Variants in PCSK5 observed in about 807,000 individuals in gnomAD.
PCSK5 encodes proprotein convertase subtilisin/kexin type 5.
A neutral mutation model predicts 233.2 loss-of-function variants in PCSK5; 129 were observed. The observed-to-expected ratio is 0.55, with a 90% CI of 0.48 to 0.64. The LOEUF (loss-of-function observed/expected upper bound fraction) is 0.64, where lower values mean the gene tolerates loss of function less well. Ranked by LOEUF, PCSK5 falls within the 30% of genes least tolerant of loss-of-function variation. The probability of loss-of-function intolerance (pLI) is 0.00; values close to 1 mark genes in which losing one functional copy is unlikely to be tolerated. For missense variants in PCSK5, 2,076 were observed against 2,430.1 expected (o/e 0.85, Z 3.06); for synonymous variants, 825 against 879.2 (o/e 0.94, Z 1.09).
Position 76,205,130 on chromosome 9 carries a change from A to G in PCSK5, c.2626+15384A>G, listed in dbSNP as rs191037345. On this transcript the variant is annotated intron_variant, in intron 20 of 37. Coordinates refer to ENST00000674117, the MANE Select transcript of PCSK5 (RefSeq NM_001372043.1). ...TAGGTTTGCTGCCTAGAAAGATCTCATTGTCAGGTATTTTTTCCCCCACCA... is the reference window on the plus strand; with the variant it reads ...TAGGTTTGCTGCCTAGAAAGATCTCGTTGTCAGGTATTTTTTCCCCCACCA... The G allele has an allele frequency of 2.3e-4, 118 of 518,898 alleles. 1 individual carries two copies. The highest frequency in any genetic ancestry group is 2.0e-3 in the African/African-American group (106 of 52,050). The allele number at this position is 518,898 out of a possible 1,614,324, so 32.1% of individuals were successfully genotyped here.
At chr9:76,267,019 C>G (rs1268657466) in intron 24 of PCSK5, among the ~76,000 whole-genome samples, 1 of 152,148 alleles carries the variant, frequency 6.6e-6, no homozygotes, top group African/African-American at 2.4e-5. Flanking sequence ...CTATGATTAC[C>G]CATGACTTGA....
rs571523197 is a variant in PCSK5 at position 76,131,027 on chromosome 9, T to C, written c.1209-3082T>C. ...AGGCCACTGGAGTGTGGGTCCAAGATACTTGGCAGAGAGAAATAGGTATTA... is the reference window on the plus strand; with the variant it reads ...AGGCCACTGGAGTGTGGGTCCAAGACACTTGGCAGAGAGAAATAGGTATTA... On this transcript the variant is annotated intron_variant, in intron 9 of 37. Transcript: ENST00000674117. Among the ~76,000 whole-genome samples the C allele has an allele frequency of 2.0e-5, 3 of 152,224 alleles. No homozygotes were observed. The South Asian group carries it at 6.2e-4, about 32-fold the overall frequency.
At chr9:76,104,838 T>TG (rs11445793) in intron 8 of PCSK5, among the ~76,000 whole-genome samples, 103,408 of 151,954 alleles carry the variant, frequency 0.68, 35,398 homozygotes, top group African/African-American at 0.75. Flanking sequence ...AATGTGACCA[T>TG]GGGTGAGATA....
chr9:76,070,021 G>A (rs1830428378), intron 6 of PCSK5, among the ~76,000 whole-genome samples: 2 of 102,866 alleles, frequency 1.9e-5, no homozygotes, highest in Admixed American at 1.2e-4. Context: ...TTTTTTTTTA[G>A]ACGGAGTCTC....
chr9:76,189,030 A>C, intron 18 of PCSK5, 64 bp from the exon 19 acceptor site: 1 of 1,441,886 alleles, frequency 6.9e-7, no homozygotes, highest in South Asian at 1.3e-5. Flanking sequence ...TTAAAGAAGA[A>C]GCCCATGACA....
chr9:75,988,175 G>C (rs1229080854), intron 3 of PCSK5, among the ~76,000 whole-genome samples: 1 of 152,084 alleles, frequency 6.6e-6, no homozygotes, highest in Non-Finnish European at 1.5e-5. Context: ...AACATGTTTG[G>C]TGTTTTTCAA....
intron 20 of PCSK5, chr9:76,193,194 C>A: frequency 6.3e-7 from 1 of 1,589,612 alleles, no homozygotes; most frequent in Non-Finnish European, 8.6e-7. Context: ...TCATGCTGCT[C>A]TCGTCTTCAA....
chr9:76,046,564 T>C (rs1354489880), intron 5 of PCSK5, among the ~76,000 whole-genome samples: 7 of 136,094 alleles, frequency 5.1e-5, no homozygotes, highest in East Asian at 2.2e-4. Context: ...TTTTTCTTTT[T>C]TTTTTTTTTT....
Position 76,054,020 on chromosome 9 carries a change from A to G in PCSK5, c.633-13935A>G, listed in dbSNP as rs150615745. Among the ~76,000 whole-genome samples the G allele has an allele frequency of 3.2e-3, 489 of 152,302 alleles. 3 individuals carry two copies. The highest frequency in any genetic ancestry group is 0.011 in the African/African-American group (460 of 41,564). On this transcript the variant is annotated intron_variant, in intron 5 of 37. Transcript: ENST00000674117. ...GGGGAGGCCTCACAATCATGGCAGAAGGTGAGGAGGAGCAAAGGAATGTCT... is the reference window on the plus strand; with the variant it reads ...GGGGAGGCCTCACAATCATGGCAGAGGGTGAGGAGGAGCAAAGGAATGTCT...
chr9:76,294,638 A>G (rs918817775), intron 25 of PCSK5, among the ~76,000 whole-genome samples: 11 of 152,048 alleles, frequency 7.2e-5, no homozygotes, highest in African/African-American at 2.2e-4. Flanking sequence ...TTAAAGATAC[A>G]TGATATCTAC....
chr9:75,966,186 G>C (rs17061846), intron 2 of PCSK5, among the ~76,000 whole-genome samples: 21,419 of 147,678 alleles, frequency 0.15, 1,583 homozygotes, highest in East Asian at 0.26. Flanking sequence ...ACTGAGGCAG[G>C]GCTAGAAAGG....
At chr9:76,048,760 C>A (rs906584340) in intron 5 of PCSK5, among the ~76,000 whole-genome samples, 5 of 152,172 alleles carry the variant, frequency 3.3e-5, no homozygotes, top group Admixed American at 2.6e-4. Context: ...GATAAGTGAT[C>A]CTTACAACTT....
Position 76,160,811 on chromosome 9 carries a change from C to T in PCSK5, c.1619+1640C>T, listed in dbSNP as rs139987443. Among the ~76,000 whole-genome samples the T allele has an allele frequency of 7.9e-3, 1,199 of 151,530 alleles. 27 individuals are homozygous for T. The highest frequency in any genetic ancestry group is 0.026 in the African/African-American group (1,081 of 41,290). ...TTTGAGATGGAGTCTTGCTCTGTTGCCCAGGCTGGAGTGCAGTGTTGGCAC... is the reference window on the plus strand; with the variant it reads ...TTTGAGATGGAGTCTTGCTCTGTTGTCCAGGCTGGAGTGCAGTGTTGGCAC... On this transcript the variant is annotated intron_variant, in intron 12 of 37. Coordinates refer to ENST00000674117, the MANE Select transcript of PCSK5 (RefSeq NM_001372043.1).
At chr9:76,110,018 C>G (rs1400939186) in intron 9 of PCSK5, among the ~76,000 whole-genome samples, 1 of 152,192 alleles carries the variant, frequency 6.6e-6, no homozygotes, top group Non-Finnish European at 1.5e-5. Flanking sequence ...GTGCCTCACT[C>G]ATTTACCCAG....
intron 1 of PCSK5, among the ~76,000 whole-genome samples, chr9:75,930,944 C>CA (rs1823762862): frequency 6.6e-6 from 1 of 152,204 alleles, no homozygotes; most frequent in Non-Finnish European, 1.5e-5. Flanking sequence ...CCTCATTGTT[C>CA]ACTGCTGCTT....
rs775441732 is a variant in PCSK5 at position 76,239,198 on chromosome 9, C to G, written c.3073+33C>G. On this transcript the variant is annotated intron_variant, in intron 23 of 37. Coordinates refer to ENST00000674117, the MANE Select transcript of PCSK5 (RefSeq NM_001372043.1). ...TGCTCCTGGGCCCTTGCCCAGCACC[C>G]GAACATGGGAGGAGGGGCTGCACCC... 7.9e-6 allele frequency: 12 copies of G among 1,515,516 alleles called. No homozygotes were observed. The South Asian group carries it at 1.1e-4, about 14-fold the overall frequency. The allele number at this position is 1,515,516 out of a possible 1,614,324, so 93.9% of individuals were successfully genotyped here.
chr9:76,227,662 A>G, intron 21 of PCSK5, 57 bp downstream of exon 21: 2 of 1,123,938 alleles, frequency 1.8e-6, no homozygotes. Context: ...CAGGGTGGAG[A>G]GAGGAGGTGC....
In PCSK5 at chr9:76,189,188, C is replaced by T; in HGVS notation, c.2475C>T (p.Asp825=). Reference sequence around the variant, plus strand: ...GCTGTAGTATCAGCTATTACTTTGACCACTCTTCAGAGAATGGATACAAAT... The same window carrying T: ...GCTGTAGTATCAGCTATTACTTTGATCACTCTTCAGAGAATGGATACAAAT... ...VQSCSISYYF[D]HSSENGYKSC... is the part of the protein sequence containing the mutation. The change falls in exon 19 of 38, where the codon GAC becomes GAT. Residue 825 remains aspartate (D), a synonymous_variant. Coordinates refer to ENST00000674117, the MANE Select transcript of PCSK5 (RefSeq NM_001372043.1). 1 of 1,613,026 alleles carries T rather than the reference C, an allele frequency of 6.2e-7. No homozygotes were observed. Among genetic ancestry groups the T allele is most frequent in the Non-Finnish European group, 8.5e-7 (1 of 1,179,602 alleles).
chr9:76,071,644 C>T (rs1830484378), intron 6 of PCSK5, 82 bp from the exon 7 acceptor site: 6 of 1,156,024 alleles, frequency 5.2e-6, no homozygotes, highest in Non-Finnish European at 7.4e-6. Flanking sequence ...GTATTCTTCC[C>T]CCCGAGAATC....
Sources: allele counts gnomAD v4.1 joint callset (sites outside exome capture counted in the v4.1 genomes callset), GRCh38; gene constraint gnomAD v4.1.1; transcripts MANE v1.5; gene names NCBI Gene and HGNC (gene_info 2026-07-23, HGNC 2026-07-21).